The following UBAC2 variants were observed in gnomAD, a reference collection of about 807,000 sequenced individuals.
UBAC2 encodes the protein ubiquitin-associated domain-containing protein 2.
UBAC2 carries 26 observed loss-of-function variants against 44.0 expected under a neutral mutation model. The ratio of observed to expected loss-of-function variants is 0.59; its 90% CI spans 0.43 to 0.82. The LOEUF is 0.82. Among genes scored for constraint, UBAC2 ranks in the 40% least tolerant of loss-of-function variants. UBAC2 has a pLI of 0.00. For missense variants in UBAC2, 329 were observed against 419.4 expected, an observed-to-expected ratio of 0.78 and a Z score of 1.88; for synonymous variants, 155 against 154.3, an observed-to-expected ratio of 1.00 and a Z score of -0.04.
chr13:99,307,112 A>G (rs2044347679), intron 4 of UBAC2, among the ~76,000 whole-genome samples: 2 of 152,144 alleles, frequency 1.3e-5, no homozygotes, highest in African/African-American at 4.8e-5. Context: ...TTTTTTGACA[A>G]AGATATTTCT....
chr13:99,202,072 C>CAAAAA (rs776251286), intron 1 of UBAC2, among the ~76,000 whole-genome samples: 2 of 71,956 alleles, frequency 2.8e-5, no homozygotes, highest in Non-Finnish European at 5.4e-5. Context: ...GACTCCATCT[C>CAAAAA]AAAAAAAAAA....
At chr13:99,368,740 C>T (rs1314452289) in intron 8 of UBAC2, among the ~76,000 whole-genome samples, 1 of 148,102 alleles carries the variant, frequency 6.8e-6, no homozygotes, top group Non-Finnish European at 1.5e-5. Flanking sequence ...CATACCCTCA[C>T]TCTGACCGAG....
intron 1 of UBAC2, among the ~76,000 whole-genome samples, chr13:99,224,824 A>G (rs891867718): frequency 6.6e-6 from 1 of 152,238 alleles, no homozygotes; most frequent in Non-Finnish European, 1.5e-5. Context: ...GTTTAATAAT[A>G]ACTATTTAAA....
At chr13:99,242,479 C>T (rs1425137926) in intron 2 of UBAC2, among the ~76,000 whole-genome samples, 6 of 73,676 alleles carry the variant, frequency 8.1e-5, no homozygotes, top group Middle Eastern at 0.014. Context: ...CCTCCCTCCC[C>T]GACGGGGCGG....
chr13:99,372,642 T>G (rs940530195), intron 8 of UBAC2: 3 of 152,176 alleles, frequency 2.0e-5, no homozygotes, highest in Admixed American at 6.6e-5. Context: ...GGAAAATGGG[T>G]GGCAAGAAGG....
At position 99,295,854 on chromosome 13, in the gene UBAC2, T is replaced by C; in HGVS notation, c.390-18243T>C. 2 of 1,606,048 alleles carry C rather than the reference T, an allele frequency of 1.2e-6. No individual in the cohort carries two copies. Among genetic ancestry groups the C allele is most frequent in the Non-Finnish European group, 1.7e-6 (2 of 1,174,790 alleles). On this transcript the variant is annotated intron_variant, in intron 4 of 8. Transcript: ENST00000403766. This position sits in a 1 kb window ranked among gnomAD's most constrained non-coding sequence, Gnocchi z 4.1. ...ATCCTACACAAGGCATCTCCGATTC[T>C]CCAGTCAAAGCCCATTGCATAGTAG...
chr13:99,214,076 C>T (rs1454519820), intron 1 of UBAC2, among the ~76,000 whole-genome samples: 3 of 152,182 alleles, frequency 2.0e-5, no homozygotes, highest in Non-Finnish European at 2.9e-5. Flanking sequence ...GCCTCATCCT[C>T]CCAAAGTGCT....
chr13:99,248,191 C>T (rs538267062), intron 4 of UBAC2, among the ~76,000 whole-genome samples: 7 of 152,166 alleles, frequency 4.6e-5, no homozygotes, highest in Non-Finnish European at 1.0e-4. Context: ...ACACTACTCT[C>T]CTGATATTTC....
In UBAC2 at chr13:99,302,983, T is replaced by A. The variant is rs150223201; in HGVS notation, c.390-11114T>A. Among the ~76,000 whole-genome samples, 363 of 144,398 alleles carry A rather than the reference T, an allele frequency of 2.5e-3. 4 individuals are homozygous for A. The highest frequency in any genetic ancestry group is 0.012 in the South Asian group (52 of 4,364). 94.7% of individuals were successfully genotyped at this position (144,398 alleles called of 152,430 possible). ...CAATGATATTCAGCATAGAGTTGAC[T>A]GTGGTCCGTCTGTTTGGGGGACCTC... is the stretch of plus-strand genomic sequence containing the variant. On this transcript the variant is annotated intron_variant, in intron 4 of 8. Transcript: ENST00000403766.
At chr13:99,294,006 C>T (rs1457494000) in intron 4 of UBAC2, among the ~76,000 whole-genome samples, 2 of 152,136 alleles carry the variant, frequency 1.3e-5, no homozygotes, top group African/African-American at 4.8e-5. Context: ...GACCAGTTGA[C>T]TACCTGGAAA....
At chr13:99,370,896 A>G (rs1312820323) in intron 8 of UBAC2, among the ~76,000 whole-genome samples, 2 of 152,244 alleles carry the variant, frequency 1.3e-5, no homozygotes, top group Admixed American at 1.3e-4. Context: ...AGAAAAGCCC[A>G]ATAACCTGCC....
intron 4 of UBAC2, among the ~76,000 whole-genome samples, chr13:99,299,449 T>TAC (rs1005093496): frequency 1.3e-4 from 20 of 149,888 alleles, no homozygotes; most frequent in African/African-American, 3.5e-4. Flanking sequence ...GGGAAGCAAA[T>TAC]ACACACACAC....
chr13:99,371,835 C>T (rs1297553611), intron 8 of UBAC2, among the ~76,000 whole-genome samples: 1 of 152,202 alleles, frequency 6.6e-6, no homozygotes, highest in Non-Finnish European at 1.5e-5. Flanking sequence ...ATGCCATGTA[C>T]TTTGAAAGCA....
chr13:99,334,505 G>A (rs546122431), intron 6 of UBAC2, among the ~76,000 whole-genome samples: 6 of 152,206 alleles, frequency 3.9e-5, no homozygotes, highest in Non-Finnish European at 5.9e-5. Flanking sequence ...GAACCTATCA[G>A]TGAGTTAAGT....
intron 4 of UBAC2, among the ~76,000 whole-genome samples, chr13:99,290,313 G>GT (rs1405314361): frequency 6.6e-6 from 1 of 152,162 alleles, no homozygotes; most frequent in Non-Finnish European, 1.5e-5. Flanking sequence ...CTGGCTTCTG[G>GT]TACAGCATCC....
At chr13:99,315,185 C>T (rs2044471841) in intron 5 of UBAC2, among the ~76,000 whole-genome samples, 2 of 152,128 alleles carry the variant, frequency 1.3e-5, no homozygotes, top group Admixed American at 6.5e-5. Context: ...ATCTCTCAAC[C>T]CCCGTACCGT....
At position 99,352,345 on chromosome 13, in the gene UBAC2, G is replaced by A. The variant is rs572572636; in HGVS notation, c.807+11780G>A. 8.2e-4 allele frequency among the ~76,000 whole-genome samples: 124 copies of A among 152,144 alleles called. 1 individual carries two copies. Among genetic ancestry groups the A allele is most frequent in the African/African-American group, 2.8e-3 (115 of 41,500 alleles). On this transcript the variant is annotated intron_variant, in intron 7 of 8. Transcript: ENST00000403766. ...GCCCCATTAGCAGTCATTCCCATCC[G>A]CCCTGTCCTAGGCAGCCACTTAATC...
At chr13:99,256,719 A>AC (rs953333758) in intron 4 of UBAC2, among the ~76,000 whole-genome samples, 156 of 151,736 alleles carry the variant, frequency 1.0e-3, no homozygotes, top group African/African-American at 3.6e-3. Context: ...CCAAAAAAAA[A>AC]AAAACCGTCC....
intron 4 of UBAC2, among the ~76,000 whole-genome samples, chr13:99,297,776 C>G (rs1379619537): frequency 6.6e-6 from 1 of 151,480 alleles, no homozygotes; most frequent in Non-Finnish European, 1.5e-5. Context: ...GTTGAGCTTG[C>G]CTATTACAGG....
Sources: gnomAD v4.1 joint callset for allele counts (sites outside exome capture counted in the v4.1 genomes callset) on GRCh38, gnomAD v4.1.1 for gene constraint, Gnocchi (gnomAD v3.1) non-coding constraint, MANE v1.5 for transcripts, NCBI Gene and HGNC (gene_info 2026-07-23, HGNC 2026-07-21) for gene names.